ZNF454: variants seen among roughly 807,000 people sequenced by gnomAD.
ZNF454 encodes zinc finger protein 454.
Under a neutral mutation model 48.2 loss-of-function variants are expected in ZNF454, and 30 were observed. The ratio of observed to expected loss-of-function variants is 0.62; its 90% confidence interval spans 0.47 to 0.84. The LOEUF (loss-of-function observed/expected upper bound fraction) is 0.84. Among genes scored for constraint, ZNF454 ranks in the 40% least tolerant of loss-of-function variants. ZNF454 has a pLI of 0.00. For missense variants in ZNF454, 510 were observed against 623.1 expected, an observed-to-expected ratio of 0.82 and a Z score of 1.93; for synonymous variants, 204 against 211.4, an observed-to-expected ratio of 0.97 and a Z score of 0.30.
the ZNF454 span, chr5:178,983,551 C>A: frequency 5.9e-6 from 3 of 506,578 alleles, no homozygotes; most frequent in African/African-American, 3.8e-5. Context: ...ATTACCAATG[C>A]CATTTACTGC....
At chr5:178,974,210 C>A in the ZNF454 span, among the ~76,000 whole-genome samples, 4 of 152,138 alleles carry the variant, frequency 2.6e-5, no homozygotes, top group Non-Finnish European at 5.9e-5. Flanking sequence ...ATGGTTATTC[C>A]TTGAGAAGCA....
chr5:178,985,451 C>G, the ZNF454 span, among the ~76,000 whole-genome samples: 6 of 151,538 alleles, frequency 4.0e-5, no homozygotes, highest in African/African-American at 1.2e-4. Flanking sequence ...CGCCTGTCAT[C>G]CCAGCACTTT....
the ZNF454 span, among the ~76,000 whole-genome samples, chr5:178,978,056 G>C: frequency 6.6e-6 from 1 of 152,160 alleles, no homozygotes. Context: ...AACCCCCCAA[G>C]CTACTTGTAA....
the ZNF454 span, chr5:178,981,577 C>T: frequency 4.6e-4 from 514 of 1,114,816 alleles, 1 homozygote; most frequent in South Asian, 1.2e-3. This position sits in a 1 kb window ranked among gnomAD's most constrained non-coding sequence, Gnocchi z 5.1. Flanking sequence ...TCACCGTGGA[C>T]CCGGGCTCTA....
chr5:178,964,918 C>G lies in ZNF454; in HGVS notation c.514C>G (p.Gln172Glu). The G allele has an allele frequency of 6.2e-7, 1 of 1,614,196 alleles. No homozygotes were observed. Among genetic ancestry groups the G allele is most frequent in the East Asian group, 2.2e-5 (1 of 44,882 alleles). ...TCACAGTGATCAAAGTCAGGGATTT[C>G]AACCTAGCAAAAATGCCTTTGAGTG... ...SLHSDQSQGF[Q>E]PSKNAFECSE... Residue 172 changes from glutamine (Q) to glutamate (E), a missense_variant, in exon 5 of 5, where the codon CAA becomes GAA. Around this residue, in one of 3 missense-constraint regions of ZNF454, gnomAD observed 354 missense variants for 408.9 expected, o/e 0.87. Coordinates refer to ENST00000519564, the MANE Select transcript of ZNF454 (RefSeq NM_001178089.3).
At chr5:178,952,120 C>T (rs1228346607) in intron 4 of ZNF454, among the ~76,000 whole-genome samples, 1 of 151,302 alleles carries the variant, frequency 6.6e-6, no homozygotes, top group Admixed American at 6.6e-5. Flanking sequence ...TCACTGCAAG[C>T]TCCTCCTCCC....
At chr5:178,986,545 C>A in the ZNF454 span, 2 of 1,607,730 alleles carry the variant, frequency 1.2e-6, no homozygotes, top group East Asian at 2.2e-5. Context: ...GGGGCGGCAG[C>A]CCGTGTGGTT....
chr5:178,989,400 C>T, the ZNF454 span: 2 of 1,614,102 alleles, frequency 1.2e-6, no homozygotes, highest in East Asian at 2.2e-5. Context: ...AAGTACTGGT[C>T]AAATCCTACA....
Position 178,946,781 on chromosome 5 carries a change from C to A in ZNF454, c.161-116C>A. On this transcript the variant is annotated intron_variant, in intron 3 of 4. Coordinates refer to ENST00000519564, the MANE Select transcript of ZNF454 (RefSeq NM_001178089.3). The surrounding 1 kb of genome is among the most constrained non-coding windows in gnomAD (Gnocchi z 4.5). ...CTCTGGGAACACACCTGACCCTGGG[C>A]TTTCCTATCAAGTCCCATTTCCCAG... The A allele has an allele frequency of 1.0e-6, 1 of 973,236 alleles. No homozygotes were observed. Among genetic ancestry groups the A allele is most frequent in the Non-Finnish European group, 1.6e-6 (1 of 630,588 alleles). The allele number at this position is 973,236 out of a possible 1,614,324, so 60.3% of individuals were successfully genotyped here.
Position 178,965,868 on chromosome 5 carries a change from G to A in ZNF454, c.1464G>A (p.Arg488=), listed in dbSNP as rs1017043500. ...IRSTHLTQHQ[R]IHTGEKPYKC... ...GCACTCACCTGACTCAACATCAGAG[G>A]ATTCACACAGGAGAGAAACCCTATA... Residue 488 remains arginine, a synonymous_variant, in exon 5 of 5, where the codon AGG becomes AGA. Coordinates refer to ENST00000519564, the MANE Select transcript of ZNF454 (RefSeq NM_001178089.3). The surrounding 1 kb of genome is among the most constrained non-coding windows in gnomAD (Gnocchi z 5.2). 6.2e-7 allele frequency: 1 copy of A among 1,611,676 alleles called. No homozygotes were observed. The highest frequency in any genetic ancestry group is 2.2e-5 in the East Asian group (1 of 44,692).
At chr5:178,972,659 G>A in the ZNF454 span, among the ~76,000 whole-genome samples, 3 of 152,192 alleles carry the variant, frequency 2.0e-5, no homozygotes, top group African/African-American at 7.2e-5. Flanking sequence ...GATGACCCCA[G>A]GCCCGACGCA....
downstream of ZNF454, among the ~76,000 whole-genome samples, chr5:178,970,955 C>T (rs1760225719): frequency 6.6e-6 from 1 of 152,200 alleles, no homozygotes; most frequent in Non-Finnish European, 1.5e-5. Context: ...GCAGCGTGTT[C>T]ATGCTGTGGA....
chr5:178,973,859 A>AAAAAAG, the ZNF454 span, among the ~76,000 whole-genome samples: 2 of 147,708 alleles, frequency 1.4e-5, no homozygotes, highest in Non-Finnish European at 1.5e-5. Flanking sequence ...AAAAAAAAAA[A>AAAAAAG]AGGTCGACTG....
rs1262799186 is a variant in ZNF454, at chr5:178,944,633, A to T, written c.34-1726A>T. ...TCAGGCAGAAGCAGGCACTGACTGG[A>T]AAGATATGGAGGTGTTCCCCCAAAT... On this transcript the variant is annotated intron_variant, in intron 2 of 4. Transcript: ENST00000519564. This position sits in a 1 kb window ranked among gnomAD's most constrained non-coding sequence, Gnocchi z 4.1. Among the ~76,000 whole-genome samples the T allele has an allele frequency of 6.6e-6, 1 of 152,230 alleles. No individual in the cohort carries two copies. The highest frequency in any genetic ancestry group is 1.5e-5 in the Non-Finnish European group (1 of 68,048).
At chr5:178,956,670 A>ATTTTT (rs113596251) in intron 4 of ZNF454, among the ~76,000 whole-genome samples, 1 of 81,046 alleles carries the variant, frequency 1.2e-5, no homozygotes, top group African/African-American at 5.8e-5. Context: ...ATTTTATTTT[A>ATTTTT]TTTAATTTAT....
chr5:178,981,955 T>A, the ZNF454 span: 1 of 862,526 alleles, frequency 1.2e-6, no homozygotes, highest in Non-Finnish European at 2.0e-6. The surrounding 1 kb of genome is among the most constrained non-coding windows in gnomAD (Gnocchi z 5.1). Context: ...TCTGTTTCAG[T>A]TGGGGAACTG....
chr5:178,964,896 C>T lies in ZNF454; in HGVS notation c.492C>T (p.His164=), dbSNP rs773682052. The part of the protein sequence containing the change: ...ESGSTMSSSL[H]SDQSQGFQPS... ...GGAGCACTATGAGCTCATCTCTTCA[C>T]AGTGATCAAAGTCAGGGATTTCAAC... The change falls in exon 5 of 5, where the codon CAC becomes CAT. Residue 164 remains histidine (H), a synonymous_variant. Transcript: ENST00000519564. The T allele has an allele frequency of 4.3e-6, 7 of 1,614,078 alleles. No individual in the cohort carries two copies. Among genetic ancestry groups the T allele is most frequent in the Non-Finnish European group, 5.9e-6 (7 of 1,180,058 alleles).
chr5:178,949,244 G>T (rs1158044094), intron 4 of ZNF454, among the ~76,000 whole-genome samples: 1 of 151,840 alleles, frequency 6.6e-6, no homozygotes, highest in East Asian at 1.9e-4. Flanking sequence ...TAGAGATGAG[G>T]TTTTGTCATG....
intron 4 of ZNF454, among the ~76,000 whole-genome samples, chr5:178,963,507 T>C (rs1581880882): frequency 6.6e-6 from 1 of 151,692 alleles, no homozygotes; most frequent in Middle Eastern, 3.4e-3. Flanking sequence ...CTGCAGCGAG[T>C]GGGAAAAGGA....
Sources: gnomAD v4.1 joint callset for allele counts (sites outside exome capture counted in the v4.1 genomes callset) on GRCh38, gnomAD v4.1.1 for gene constraint, gnomAD v4.1.1 regional missense constraint, Gnocchi (gnomAD v3.1) non-coding constraint, MANE v1.5 for transcripts, NCBI Gene and HGNC (gene_info 2026-07-23, HGNC 2026-07-21) for gene names.